The following SNIP1 variants were observed in gnomAD, a reference collection of about 807,000 sequenced individuals.
The protein encoded by SNIP1 is Smad nuclear interacting protein 1.
SNIP1 carries 23 observed loss-of-function variants against 37.4 expected under a neutral mutation model. The ratio of observed to expected loss-of-function variants is 0.61; its 90% CI spans 0.44 to 0.87. The LOEUF is 0.87. Among genes scored for constraint, SNIP1 ranks in the 40% least tolerant of loss-of-function variants. SNIP1 has a pLI of 0.00. For missense variants in SNIP1, 459 were observed against 540.4 expected, an observed-to-expected ratio of 0.85 and a Z score of 1.49; for synonymous variants, 174 against 200.0, an observed-to-expected ratio of 0.87 and a Z score of 1.10.
Position 37,540,751 on chromosome 1 carries a change from C to T in SNIP1, c.332G>A (p.Arg111His), listed in dbSNP as rs41267307. 2.2e-4 allele frequency: 348 copies of T among 1,590,904 alleles called. No homozygotes were observed. The highest frequency in any genetic ancestry group is 2.6e-4 in the Non-Finnish European group (307 of 1,166,174). Residue 111 changes from arginine to histidine, a missense_variant, in exon 3 of 4, where the codon CGT becomes CAT. Arg to His is a conservative substitution (Grantham distance 29). Coordinates refer to ENST00000296215, the MANE Select transcript of SNIP1 (RefSeq NM_024700.4). The surrounding 1 kb of genome is among the most constrained non-coding windows in gnomAD (Gnocchi z 5.6). ...HHSTVKVKQE[R>H]EDHPRRGRED... is the part of the protein sequence containing the mutation. ...CCGTCCTCTCCGGGGATGATCCTCA[C>T]GCTCCTAAAATTCAAACAGATTCTG...
rs1461269360 is a variant in SNIP1, at chr1:37,540,375, G to A, written c.708C>T (p.Thr236=). ...TAATGACTACACCCCGGAAAGTGTT[G>A]GTGTCCTCAAGAAGTGCCCCAGAAA... is the stretch of plus-strand genomic sequence containing the variant. ...FELSGALLED[T]NTFRGVVIKY... is the part of the protein sequence containing the mutation. The change falls in exon 3 of 4, where the codon ACC becomes ACT. Residue 236 remains threonine (T), a synonymous_variant. Transcript: ENST00000296215. The surrounding 1 kb of genome is among the most constrained non-coding windows in gnomAD (Gnocchi z 5.6). The A allele has an allele frequency of 6.2e-7, 1 of 1,614,006 alleles. No individual in the cohort carries two copies. Among genetic ancestry groups the A allele is most frequent in the Non-Finnish European group, 8.5e-7 (1 of 1,180,002 alleles).
At position 37,537,766 on chromosome 1, in the gene SNIP1, T is replaced by C. The variant is rs775496140; in HGVS notation, c.1173A>G (p.Glu391=). ...TAGTTTGCTAGCTGTCAGACACTTCTTCCTCCTCCTCCTCATCCTCGTCAT... is the reference window on the plus strand; with the variant it reads ...TAGTTTGCTAGCTGTCAGACACTTCCTCCTCCTCCTCCTCATCCTCGTCAT... ...RKDDEDEEEE[E]EVSDS Residue 391 remains glutamate, a synonymous_variant, in exon 4 of 4, where the codon GAA becomes GAG. Coordinates refer to ENST00000296215, the MANE Select transcript of SNIP1 (RefSeq NM_024700.4). 5.6e-6 allele frequency: 9 copies of C among 1,613,572 alleles called. No homozygotes were observed. The highest frequency in any genetic ancestry group is 2.2e-5 in the South Asian group (2 of 90,980).
chr1:37,548,335 T>A (rs547836254), intron 2 of SNIP1, among the ~76,000 whole-genome samples: 57 of 151,426 alleles, frequency 3.8e-4, no homozygotes, highest in East Asian at 1.2e-3. Context: ...CTTTTTTTTT[T>A]AAAACAGTCT....
At position 37,537,873 on chromosome 1, in the gene SNIP1, C is replaced by G; in HGVS notation, c.1066G>C (p.Asp356His). The G allele has an allele frequency of 6.2e-7, 1 of 1,614,174 alleles. No homozygotes were observed. The highest frequency in any genetic ancestry group is 8.5e-7 in the Non-Finnish European group (1 of 1,180,038). The change falls in exon 4 of 4, where the codon GAT becomes CAT. Residue 356 changes from aspartate (D) to histidine (H), a missense_variant. Transcript: ENST00000296215. ...PQRYYELKEK[D>H]VLKFGFSSRE... ...CTACTGAATCCAAATTTGAGTACAT[C>G]CTTTTCTTTTAGTTCATAGTATCTC... is the stretch of plus-strand genomic sequence containing the variant.
intron 3 of SNIP1, among the ~76,000 whole-genome samples, chr1:37,539,589 A>T (rs1459349241): frequency 6.6e-6 from 1 of 152,078 alleles, no homozygotes; most frequent in Non-Finnish European, 1.5e-5. Flanking sequence ...GTGTGCCTGT[A>T]CTCTCAGCTG....
chr1:37,548,152 C>CAAAAAAAAA (rs35503081), intron 2 of SNIP1, among the ~76,000 whole-genome samples: 1 of 65,374 alleles, frequency 1.5e-5, no homozygotes, highest in Non-Finnish European at 2.6e-5. Context: ...GACTCCATAT[C>CAAAAAAAAA]AAAAAAAAAA....
In SNIP1 at chr1:37,554,094, G is replaced by C. The variant is rs747440469; in HGVS notation, c.136C>G (p.Pro46Ala). 6.2e-7 allele frequency: 1 copy of C among 1,610,398 alleles called. No homozygotes were observed. Among genetic ancestry groups the C allele is most frequent in the Non-Finnish European group, 8.5e-7 (1 of 1,178,770 alleles). The change falls in exon 1 of 4, where the codon CCG (proline) becomes GCG (alanine). Residue 46 changes from proline to alanine, a missense_variant. By Grantham distance (27) the Pro-to-Ala change is conservative (BLOSUM62 -1). Transcript: ENST00000296215. ...PEVAPPAHRR[P>A]DHSGGSPSPP... ...GACGGGCTACCACCGGAGTGGTCCG[G>C]ACGGCGGTGGGCGGGAGGTGCGACT... is the stretch of plus-strand genomic sequence containing the variant.
chr1:37,548,782 C>T (rs1007085105), intron 2 of SNIP1: 1 of 150,982 alleles, frequency 6.6e-6, no homozygotes, highest in Non-Finnish European at 1.5e-5. Flanking sequence ...TCTCATCCCT[C>T]AAAATTGAGA....
At chr1:37,548,944 T>A (rs1202191155) in intron 2 of SNIP1, 1 of 152,146 alleles carries the variant, frequency 6.6e-6, no homozygotes, top group African/African-American at 2.4e-5. Context: ...CTTTTGTAAA[T>A]CGCCGGGTCT....
intron 2 of SNIP1, among the ~76,000 whole-genome samples, chr1:37,551,794 C>A (rs1273700089): frequency 6.6e-6 from 1 of 152,144 alleles, no homozygotes; most frequent in African/African-American, 2.4e-5. Context: ...CCTAGGTAAA[C>A]TAATACAGCC....
At chr1:37,551,306 A>C (rs1643299908) in intron 2 of SNIP1, among the ~76,000 whole-genome samples, 1 of 151,792 alleles carries the variant, frequency 6.6e-6, no homozygotes, top group Admixed American at 6.6e-5. Flanking sequence ...AATTAAAATC[A>C]CAATGAAATA....
At chr1:37,551,389 GATCA>G (rs1308252988) in intron 2 of SNIP1, among the ~76,000 whole-genome samples, 2 of 152,180 alleles carry the variant, frequency 1.3e-5, no homozygotes, top group Non-Finnish European at 2.9e-5. Flanking sequence ...AGGGAAACCG[GATCA>G]TTCATACATT....
At chr1:37,539,667 G>C (rs189786877) in intron 3 of SNIP1, among the ~76,000 whole-genome samples, 1 of 152,192 alleles carries the variant, frequency 6.6e-6, no homozygotes, top group Admixed American at 6.5e-5. Flanking sequence ...TTGAGATCGC[G>C]CCACTGCACT....
rs562287542 is a variant in SNIP1, at chr1:37,553,999, C to G, written c.224+7G>C. 6.0e-5 allele frequency: 93 copies of G among 1,556,456 alleles called. No homozygotes were observed. The highest frequency in any genetic ancestry group is 4.4e-4 in the Middle Eastern group (2 of 4,558). On this transcript the variant is annotated splice_region_variant and intron_variant, in intron 1 of 3. Coordinates refer to ENST00000296215, the MANE Select transcript of SNIP1 (RefSeq NM_024700.4). ...CAATGTCCATCCTGGACTGCTCCCC[C>G]ACTTACCGGCTAACTCCTCGGGCTC...
At chr1:37,549,563 C>A (rs1267831150) in intron 2 of SNIP1, among the ~76,000 whole-genome samples, 1 of 152,076 alleles carries the variant, frequency 6.6e-6, no homozygotes, top group African/African-American at 2.4e-5. Context: ...CACAGGCATG[C>A]CACCACGCCC....
intron 2 of SNIP1, among the ~76,000 whole-genome samples, chr1:37,547,000 C>T (rs1022278762): frequency 2.6e-4 from 40 of 152,342 alleles, no homozygotes; most frequent in African/African-American, 9.4e-4. Flanking sequence ...AATTTCTTCA[C>T]ACTGGATCGC....
chr1:37,545,079 T>C (rs1291259414), intron 2 of SNIP1: 2 of 747,940 alleles, frequency 2.7e-6, no homozygotes, highest in African/African-American at 1.7e-5. Flanking sequence ...TTGGAAAAAC[T>C]TGGGAATCAG....
At position 37,540,201 on chromosome 1, in the gene SNIP1, A is replaced by G. The variant is rs1643156506; in HGVS notation, c.882T>C (p.Ile294=). ...GRHRRIADIP[I]DHPSCSKQHA... ...GCTGCTTTGAACAAGACGGGTGATC[A>G]ATTGGAATGTCTGCAATGCGGCGGT... The change falls in exon 3 of 4, where the codon ATT becomes ATC. Residue 294 remains isoleucine, a synonymous_variant. Transcript: ENST00000296215. This position sits in a 1 kb window ranked among gnomAD's most constrained non-coding sequence, Gnocchi z 5.6. The G allele has an allele frequency of 1.2e-6, 2 of 1,604,620 alleles. No individual in the cohort carries two copies. The highest frequency in any genetic ancestry group is 2.7e-5 in the African/African-American group (2 of 74,846).
At chr1:37,546,140 C>CTAAG (rs1184396770) in intron 2 of SNIP1, among the ~76,000 whole-genome samples, 4 of 77,332 alleles carry the variant, frequency 5.2e-5, no homozygotes, top group African/African-American at 1.6e-4. Context: ...AGCACTGGGA[C>CTAAG]TAAGACCCCC....
Sources: gnomAD v4.1 joint callset for allele counts (sites outside exome capture counted in the v4.1 genomes callset) on GRCh38, gnomAD v4.1.1 for gene constraint, Gnocchi (gnomAD v3.1) non-coding constraint, MANE v1.5 for transcripts, NCBI Gene and HGNC (gene_info 2026-07-23, HGNC 2026-07-21) for gene names.